Variants in AGBL4 observed in about 807,000 individuals in gnomAD.
The protein encoded by AGBL4 is AGBL carboxypeptidase 4.
Under a neutral mutation model 66.4 loss-of-function variants are expected in AGBL4, and 58 were observed. That is an observed-to-expected ratio of 0.87 (90% CI 0.71 to 1.09). AGBL4 has a LOEUF of 1.09. AGBL4 is among the 50% of genes least tolerant of loss of function. The probability of loss-of-function intolerance (pLI) is 0.00; values close to 1 mark genes in which losing one functional copy is unlikely to be tolerated. For synonymous variants in AGBL4, 234 were observed against 222.9 expected, an observed-to-expected ratio of 1.05 and a Z score of -0.44; for missense variants, 579 against 631.0, an observed-to-expected ratio of 0.92 and a Z score of 0.88.
At chr1:49,389,632 A>C (rs1187240170) in intron 3 of AGBL4, among the ~76,000 whole-genome samples, 1 of 152,098 alleles carries the variant, frequency 6.6e-6, no homozygotes, top group Admixed American at 6.6e-5. Flanking sequence ...AGCTCAGCAA[A>C]ACATTTAAAC....
At chr1:48,539,847 G>T in intron 11 of AGBL4, 109 bp from the exon 12 acceptor site, 1 of 662,966 alleles carries the variant, frequency 1.5e-6, no homozygotes, top group Non-Finnish European at 2.3e-6. Context: ...CACACTCATT[G>T]TTCTAAGCTT....
At chr1:49,389,474 A>C (rs575810499) in intron 3 of AGBL4, among the ~76,000 whole-genome samples, 3 of 152,170 alleles carry the variant, frequency 2.0e-5, no homozygotes, top group Non-Finnish European at 4.4e-5. Flanking sequence ...TGACTTGAGA[A>C]GTCAAGTAAT....
intron 3 of AGBL4, 56 bp downstream of exon 3, chr1:49,697,257 C>T: frequency 1.3e-6 from 2 of 1,481,964 alleles, no homozygotes; most frequent in Non-Finnish European, 1.8e-6. Context: ...TAAAAGAAGA[C>T]AAAAGCATAT....
intron 4 of AGBL4, among the ~76,000 whole-genome samples, chr1:49,060,368 G>A (rs561406641): frequency 4.1e-4 from 62 of 152,274 alleles, no homozygotes; most frequent in Non-Finnish European, 7.2e-4. Context: ...CAGCCATGCG[G>A]AACTGTGAGT....
At chr1:48,761,350 A>G (rs1474255610) in intron 6 of AGBL4, 2 of 1,551,892 alleles carry the variant, frequency 1.3e-6, no homozygotes, top group East Asian at 2.4e-5. Context: ...GATGTGTCTA[A>G]GCTGTAAATC....
intron 6 of AGBL4, chr1:48,742,699 C>T (rs1650106134): frequency 6.2e-7 from 1 of 1,611,410 alleles, no homozygotes; most frequent in Non-Finnish European, 8.5e-7. Flanking sequence ...TGCTTCCTCA[C>T]TGAAAGTGCT....
At chr1:49,689,221 C>G (rs1446106652) in intron 3 of AGBL4, among the ~76,000 whole-genome samples, 1 of 152,056 alleles carries the variant, frequency 6.6e-6, no homozygotes, top group Non-Finnish European at 1.5e-5. Context: ...AGATTTAAAT[C>G]ATTAATCTCT....
rs368923469 is a variant in AGBL4, at chr1:49,707,099, T to A, written c.158-9662A>T. On this transcript the variant is annotated intron_variant, in intron 2 of 13. Transcript: ENST00000371839. Reference sequence around the variant, plus strand: ...GCTGAGTTCAAGTCTTGAATATCCTTATTAATTTTCTGTCTCGTTGATCTG... The same window carrying A: ...GCTGAGTTCAAGTCTTGAATATCCTAATTAATTTTCTGTCTCGTTGATCTG... Among the ~76,000 whole-genome samples the A allele has an allele frequency of 3.4e-4, 52 of 152,246 alleles. 1 individual carries two copies. In the South Asian group the frequency reaches 9.5e-3, roughly 28 times the overall value.
At chr1:49,317,338 A>G (rs1053968848) in intron 3 of AGBL4, among the ~76,000 whole-genome samples, 3 of 151,964 alleles carry the variant, frequency 2.0e-5, no homozygotes, top group Admixed American at 6.6e-5. Flanking sequence ...CAGTTTGTAC[A>G]TCTGTCGAAT....
intron 6 of AGBL4, among the ~76,000 whole-genome samples, chr1:48,758,427 T>C (rs1038258149): frequency 2.4e-4 from 37 of 152,230 alleles, no homozygotes; most frequent in Non-Finnish European, 1.0e-4. Flanking sequence ...AGTCTCTCCA[T>C]GCCCTCAGTT....
intron 9 of AGBL4, among the ~76,000 whole-genome samples, chr1:48,626,285 C>T (rs753476640): frequency 2.6e-5 from 4 of 152,036 alleles, no homozygotes; most frequent in Non-Finnish European, 5.9e-5. Context: ...AATCCTTCCT[C>T]GCCTTTAGAA....
chr1:48,555,241 A>C (rs972942100), intron 11 of AGBL4, among the ~76,000 whole-genome samples: 1 of 152,072 alleles, frequency 6.6e-6, no homozygotes, highest in African/African-American at 2.4e-5. Context: ...GTCAACAATT[A>C]ATTGAGAATC....
At chr1:49,027,477 A>T (rs767039227) in intron 5 of AGBL4, among the ~76,000 whole-genome samples, 28 of 152,126 alleles carry the variant, frequency 1.8e-4, no homozygotes, top group Non-Finnish European at 3.7e-4. Context: ...AATTATTTTT[A>T]AAAACAATCA....
intron 6 of AGBL4, among the ~76,000 whole-genome samples, chr1:48,802,738 C>G (rs925192358): frequency 2.6e-5 from 4 of 152,204 alleles, no homozygotes; most frequent in Admixed American, 6.5e-5. Context: ...CAGAGCCTGT[C>G]TCTAGGCCCT....
At chr1:50,019,296 T>TCACACACA (rs1382487557) in intron 1 of AGBL4, among the ~76,000 whole-genome samples, 6 of 92,700 alleles carry the variant, frequency 6.5e-5, no homozygotes, top group African/African-American at 2.1e-4. Context: ...TCTCTCTCTC[T>TCACACACA]CTCTCTCTCT....
At chr1:49,862,801 C>T (rs1646606300) in intron 1 of AGBL4, among the ~76,000 whole-genome samples, 1 of 151,972 alleles carries the variant, frequency 6.6e-6, no homozygotes, top group African/African-American at 2.4e-5. Context: ...ACAAAAATAC[C>T]CTTCAAATAT....
chr1:49,793,143 C>T lies in AGBL4; in HGVS notation c.157+58253G>A, dbSNP rs560514598. On this transcript the variant is annotated intron_variant, in intron 2 of 13. Coordinates refer to ENST00000371839, the MANE Select transcript of AGBL4 (RefSeq NM_032785.4). ...ATTTAAATATTTTTATGGACTATCTCCCACACAAAAATATCAGATCTATGA... is the reference window on the plus strand; with the variant it reads ...ATTTAAATATTTTTATGGACTATCTTCCACACAAAAATATCAGATCTATGA... 1.7e-3 allele frequency among the ~76,000 whole-genome samples: 256 copies of T among 152,040 alleles called. 1 individual carries two copies. The highest frequency in any genetic ancestry group is 6.0e-3 in the African/African-American group (249 of 41,494).
intron 3 of AGBL4, among the ~76,000 whole-genome samples, chr1:49,301,394 C>T (rs911487251): frequency 3.9e-5 from 6 of 152,186 alleles, no homozygotes; most frequent in Non-Finnish European, 2.9e-5. Flanking sequence ...TATGTGTGGG[C>T]TTAACTAACT....
chr1:49,994,698 C>T (rs1416507749), intron 1 of AGBL4: 4 of 166,644 alleles, frequency 2.4e-5, no homozygotes, highest in African/African-American at 4.8e-5. Context: ...GACTTGTAAA[C>T]TTTTGCTCCA....
Sources: gnomAD v4.1 joint callset for allele counts (sites outside exome capture counted in the v4.1 genomes callset) on GRCh38, gnomAD v4.1.1 for gene constraint, MANE v1.5 for transcripts, NCBI Gene and HGNC (gene_info 2026-07-23, HGNC 2026-07-21) for gene names.